MMP10: variants seen among roughly 807,000 people sequenced by gnomAD.
MMP10 encodes the protein stromelysin-2.
Under a neutral mutation model 49.1 loss-of-function variants are expected in MMP10, and 50 were observed. The ratio of observed to expected loss-of-function variants is 1.02; its 90% CI spans 0.81 to 1.29. The LOEUF (loss-of-function observed/expected upper bound fraction) is 1.29. Ranked by LOEUF, MMP10 falls within the 50% of genes most tolerant of loss-of-function variation. MMP10 has a pLI of 0.00. For missense variants in MMP10, 613 were observed against 563.8 expected (o/e 1.09, Z -0.88); for synonymous variants, 229 against 201.6 (o/e 1.14, Z -1.15).
rs759683066 is a variant in MMP10 at position 102,775,283 on chromosome 11, T to A, written c.971A>T (p.Glu324Val). The change falls in exon 7 of 10, where the codon GAA (glutamate) becomes GTA (valine). Residue 324 changes from glutamate to valine, a missense_variant. Transcript: ENST00000279441. ...CCAAAATGCAGAAATCAAATGAAAT[T>A]CAGGTTCAGGGTTCCAGTGGGATCT... is the stretch of plus-strand genomic sequence containing the variant. Reference protein sequence around the residue: ...WRRSHWNPEPEFHLISAFWPS... With the variant: ...WRRSHWNPEPVFHLISAFWPS... 6.2e-7 allele frequency: 1 copy of A among 1,610,194 alleles called. No individual in the cohort carries two copies. Among genetic ancestry groups the A allele is most frequent in the Non-Finnish European group, 8.5e-7 (1 of 1,177,872 alleles).
Position 102,770,649 on chromosome 11 carries a change from A to T in MMP10, c.*144T>A, listed in dbSNP as rs1861966067. 3 of 531,050 alleles carry T rather than the reference A, an allele frequency of 5.6e-6. No individual in the cohort carries two copies. The highest frequency in any genetic ancestry group is 9.9e-6 in the Non-Finnish European group (3 of 304,348). The allele number at this position is 531,050 out of a possible 1,614,324, so 32.9% of individuals were successfully genotyped here. A position where few individuals can be genotyped will look rare whatever the true frequency, so the allele number is the denominator to read the frequency against. ...GTGAAGAATTCCAGAAACATTCTTC[A>T]TGACACATGCAGATATCTGCAAGGC... On this transcript the variant is annotated 3_prime_UTR_variant, in exon 10 of 10. Coordinates refer to ENST00000279441, the MANE Select transcript of MMP10 (RefSeq NM_002425.3).
At chr11:102,774,520 C>T (rs1465531251) in intron 7 of MMP10, among the ~76,000 whole-genome samples, 4 of 151,886 alleles carry the variant, frequency 2.6e-5, no homozygotes, top group Non-Finnish European at 5.9e-5. Flanking sequence ...AAAAAGAAAA[C>T]AAAACTTCAG....
At chr11:102,776,807 A>C in intron 4 of MMP10, 31 bp from the exon 5 acceptor site, 1 of 1,613,114 alleles carries the variant, frequency 6.2e-7, no homozygotes. Flanking sequence ...TTCAGAATTC[A>C]CCAGCTCTTT....
In MMP10 at chr11:102,775,300, G is replaced by T; in HGVS notation, c.954C>A (p.His318Gln). Residue 318 changes from histidine to glutamine, a missense_variant, in exon 7 of 10, where the codon CAC (histidine) becomes CAA (glutamine). By Grantham distance (24) the His-to-Gln change is conservative. Transcript: ENST00000279441. ...FKDRYFWRRS[H>Q]WNPEPEFHLI... is the part of the protein sequence containing the mutation. ...AATGAAATTCAGGTTCAGGGTTCCAGTGGGATCTTCGCCAAAAATATCTGT... is the reference window on the plus strand; with the variant it reads ...AATGAAATTCAGGTTCAGGGTTCCATTGGGATCTTCGCCAAAAATATCTGT... 1 of 1,609,184 alleles carries T rather than the reference G, an allele frequency of 6.2e-7. No homozygotes were observed. Among genetic ancestry groups the T allele is most frequent in the Non-Finnish European group, 8.5e-7 (1 of 1,177,624 alleles).
intron 7 of MMP10, 110 bp downstream of exon 7, chr11:102,775,078 A>G: frequency 2.5e-6 from 2 of 787,092 alleles, no homozygotes; most frequent in Non-Finnish European, 1.8e-6. Flanking sequence ...AAGTGTTAGC[A>G]CAAGGTCTTT....
At chr11:102,776,212 TTC>T in intron 6 of MMP10, 66 bp downstream of exon 6, 2 of 1,430,808 alleles carry the variant, frequency 1.4e-6, no homozygotes, top group Non-Finnish European at 1.9e-6. Flanking sequence ...TCTGTCAAGT[TTC>T]TGTTTTTCTT....
chr11:102,770,854 A>G lies in MMP10; in HGVS notation c.1370T>C (p.Phe457Ser), dbSNP rs1861968963. 1.2e-6 allele frequency: 2 copies of G among 1,613,214 alleles called. No homozygotes were observed. The highest frequency in any genetic ancestry group is 1.7e-4 in the Middle Eastern group (1 of 6,060). The change falls in exon 10 of 10, where the codon TTT (phenylalanine) becomes TCT (serine). Residue 457 changes from phenylalanine (F) to serine (S), a missense_variant. Physicochemically the swap from Phe to Ser is radical, Grantham distance 155. Coordinates refer to ENST00000279441, the MANE Select transcript of MMP10 (RefSeq NM_002425.3). Reference sequence around the variant, plus strand: ...TGTCACCATCCTGGCATTGGGGTCAAACTCAAACTGTGATGATCCACTGAA... The same window carrying G: ...TGTCACCATCCTGGCATTGGGGTCAGACTCAAACTGTGATGATCCACTGAA... ...YFFSGSSQFE[F>S]DPNARMVTHI...
chr11:102,780,068 G>A (rs982487487), intron 1 of MMP10, among the ~76,000 whole-genome samples: 1 of 152,098 alleles, frequency 6.6e-6, no homozygotes. Context: ...TATAGACCTG[G>A]TTTAAGACTG....
Position 102,772,752 on chromosome 11 carries a change from T to C in MMP10, c.1226+95A>G, listed in dbSNP as rs1233502761. ...TCATAAATTTTGAAGTTAGAGAAAG[T>C]TAGAGGGTGGGTGTAGGGTAGGGAA... On this transcript the variant is annotated intron_variant, in intron 8 of 9. Coordinates refer to ENST00000279441, the MANE Select transcript of MMP10 (RefSeq NM_002425.3). The surrounding 1 kb of genome is among the most constrained non-coding windows in gnomAD (Gnocchi z 4.4). 3 of 1,290,622 alleles carry C rather than the reference T, an allele frequency of 2.3e-6. No individual in the cohort carries two copies. In the African/African-American group the frequency reaches 4.5e-5, roughly 19 times the overall value. 79.9% of individuals were successfully genotyped at this position (1,290,622 alleles called of 1,614,324 possible).
intron 4 of MMP10, among the ~76,000 whole-genome samples, chr11:102,777,731 G>C (rs1208154846): frequency 4.6e-5 from 7 of 152,282 alleles, no homozygotes; most frequent in Middle Eastern, 3.4e-3. Flanking sequence ...TTTAGTAGTA[G>C]ATATTATTTA....
At position 102,776,666 on chromosome 11, in the gene MMP10, G is replaced by A. The variant is rs1490952830; in HGVS notation, c.733C>T (p.Leu245Phe). Residue 245 changes from leucine (L) to phenylalanine (F), a missense_variant, in exon 5 of 10, where the codon CTC becomes TTC. Leu to Phe is a conservative substitution (Grantham distance 22). Coordinates refer to ENST00000279441, the MANE Select transcript of MMP10 (RefSeq NM_002425.3). Reference protein sequence around the residue: ...MYPLYNSFTELAQFRLSQDDV... With the variant: ...MYPLYNSFTEFAQFRLSQDDV... ...TCTTGCGAAAGGCGGAACTGGGCGA[G>A]CTCTGTGAATGAGTTGTAGAGTGGG... is the stretch of plus-strand genomic sequence containing the variant. 1.2e-6 allele frequency: 2 copies of A among 1,613,976 alleles called. No individual in the cohort carries two copies. Among genetic ancestry groups the A allele is most frequent in the Admixed American group, 1.7e-5 (1 of 59,968 alleles).
chr11:102,777,500 C>A (rs970463637), intron 4 of MMP10, among the ~76,000 whole-genome samples: 5 of 152,036 alleles, frequency 3.3e-5, no homozygotes, highest in African/African-American at 4.8e-5. Context: ...AGTGATTCAC[C>A]CAACTTGGCC....
chr11:102,774,966 C>T (rs184220634), intron 7 of MMP10, among the ~76,000 whole-genome samples: 184 of 152,246 alleles, frequency 1.2e-3, no homozygotes, highest in Non-Finnish European at 2.0e-3. Flanking sequence ...GATAAATTGA[C>T]ATTTTTACTA....
In MMP10 at chr11:102,778,633, C is replaced by G. The variant is rs1857779138; in HGVS notation, c.613G>C (p.Asp205His). ...HFDDDEKWTE[D>H]ASGTNLFLVA... ...GAGGTTTACGACCCACCTGATGCATCTTCTGTCCATTTTTCATCATCATCA... is the reference window on the plus strand; with the variant it reads ...GAGGTTTACGACCCACCTGATGCATGTTCTGTCCATTTTTCATCATCATCA... The change falls in exon 4 of 10, where the codon GAT (aspartate) becomes CAT (histidine). Residue 205 changes from aspartate (D) to histidine (H), a missense_variant. Transcript: ENST00000279441. 6.2e-7 allele frequency: 1 copy of G among 1,613,894 alleles called. No individual in the cohort carries two copies. The highest frequency in any genetic ancestry group is 1.1e-5 in the South Asian group (1 of 91,064).
chr11:102,776,821 C>T (rs3819099), intron 4 of MMP10, 45 bp from the exon 5 acceptor site: 208,565 of 1,608,920 alleles, frequency 0.13, 14,992 homozygotes, highest in Middle Eastern at 0.17. Flanking sequence ...GCTCTTTCTT[C>T]CATAAATACA....
chr11:102,780,451 TG>T, intron 1 of MMP10, 35 bp downstream of exon 1: 1 of 1,565,968 alleles, frequency 6.4e-7, no homozygotes, highest in Admixed American at 1.7e-5. Flanking sequence ...ACAATTGAGC[TG>T]GCCAGTAGCT....
intron 3 of MMP10, 131 bp from the exon 4 acceptor site, chr11:102,778,880 C>A (rs990854943): frequency 1.8e-6 from 2 of 1,117,650 alleles, no homozygotes; most frequent in Non-Finnish European, 2.6e-6. Context: ...AAACTCAATG[C>A]CCAATGAAAT....
At position 102,779,365 on chromosome 11, in the gene MMP10, G is replaced by A. The variant is rs1303891055; in HGVS notation, c.348-4C>T. The A allele has an allele frequency of 6.2e-7, 1 of 1,612,946 alleles. No homozygotes were observed. Among genetic ancestry groups the A allele is most frequent in the African/African-American group, 1.3e-5 (1 of 74,990 alleles). On this transcript the variant is annotated splice_polypyrimidine_tract_variant and splice_region_variant and intron_variant, in intron 2 of 9. Coordinates refer to ENST00000279441, the MANE Select transcript of MMP10 (RefSeq NM_002425.3). ...ATCTGGTGTATAATTCACAATCCTG[G>A]AGGAGAAAAATTGAAGAGGATGTTA... is the stretch of plus-strand genomic sequence containing the variant.
rs770613615 is a variant in MMP10, at chr11:102,780,542, G to A, written c.50C>T (p.Ala17Val). The A allele has an allele frequency of 6.2e-7, 1 of 1,613,850 alleles. No individual in the cohort carries two copies. The highest frequency in any genetic ancestry group is 1.3e-5 in the African/African-American group (1 of 74,914). The change falls in exon 1 of 10, where the codon GCC becomes GTC. Residue 17 changes from alanine to valine, a missense_variant. By Grantham distance (64) the Ala-to-Val change is moderately conservative (BLOSUM62 0). Transcript: ENST00000279441. Reference protein sequence around the residue: ...LVLLCLPVCSAYPLSGAAKEE... With the variant: ...LVLLCLPVCSVYPLSGAAKEE... ...TTTTGCTGCCCCACTCAGAGGATAG[G>A]CAGAGCAGACTGGCAGACACAACAG...
Sources: allele counts gnomAD v4.1 joint callset (sites outside exome capture counted in the v4.1 genomes callset), GRCh38; gene constraint gnomAD v4.1.1; non-coding constraint Gnocchi (gnomAD v3.1); transcripts MANE v1.5; gene names NCBI Gene and HGNC (gene_info 2026-07-23, HGNC 2026-07-21).